Variants in DNAH6 observed in about 807,000 individuals in gnomAD.
DNAH6 encodes the protein dynein axonemal heavy chain 6, also known as axonemal beta dynein heavy chain 6.
Under a neutral mutation model 491.4 loss-of-function variants are expected in DNAH6, and 340 were observed. The observed-to-expected ratio is 0.69, with a 90% confidence interval of 0.63 to 0.76. The LOEUF (loss-of-function observed/expected upper bound fraction) is 0.76, where lower values mean the gene tolerates loss of function less well. Ranked by LOEUF, DNAH6 falls within the 30% of genes least tolerant of loss-of-function variation. The pLI is 0.00. For synonymous variants in DNAH6, 1,603 were observed against 1,686.1 expected, an observed-to-expected ratio of 0.95 and a Z score of 1.21; for missense variants, 4,443 against 4,972.2, an observed-to-expected ratio of 0.89 and a Z score of 3.20.
intron 16 of DNAH6, among the ~76,000 whole-genome samples, chr2:84,589,684 C>A (rs1314285322): frequency 7.0e-6 from 1 of 142,778 alleles, no homozygotes; most frequent in East Asian, 2.0e-4. Context: ...CGCACTGCAG[C>A]CTAGGTGACA....
intron 45 of DNAH6, among the ~76,000 whole-genome samples, chr2:84,689,214 A>C (rs551128832): frequency 6.6e-6 from 1 of 152,262 alleles, no homozygotes; most frequent in African/African-American, 2.4e-5. Flanking sequence ...TGATTAAGGT[A>C]CTCAGTGTGG....
At chr2:84,495,070 C>G in the DNAH6 span, among the ~76,000 whole-genome samples, 4 of 152,176 alleles carry the variant, frequency 2.6e-5, no homozygotes, top group South Asian at 4.1e-4. Flanking sequence ...ATCTCTCACT[C>G]TTAGAGAGTT....
At chr2:84,619,496 T>A (rs1687193288) in intron 23 of DNAH6, among the ~76,000 whole-genome samples, 189 bp from the exon 24 acceptor site, 1 of 152,148 alleles carries the variant, frequency 6.6e-6, no homozygotes, top group Admixed American at 6.5e-5. Context: ...CCTAAATGCG[T>A]CATCACTAAT....
At chr2:84,718,640 G>A (rs1454805968) in intron 59 of DNAH6, among the ~76,000 whole-genome samples, 3 of 152,134 alleles carry the variant, frequency 2.0e-5, no homozygotes, top group Non-Finnish European at 4.4e-5. Flanking sequence ...GATATAAATC[G>A]AAAGGAACAA....
At chr2:84,649,802 C>T (rs1420466692) in intron 33 of DNAH6, among the ~76,000 whole-genome samples, 1 of 152,136 alleles carries the variant, frequency 6.6e-6, no homozygotes, top group African/African-American at 2.4e-5. Context: ...GAAAACCAAA[C>T]ACCACATGTT....
rs190048716 is a variant in DNAH6 at position 84,633,050 on chromosome 2, G to A, written c.4516-1454G>A. Among the ~76,000 whole-genome samples, 78 of 152,230 alleles carry A rather than the reference G, an allele frequency of 5.1e-4. No homozygotes were observed. In the East Asian group the frequency reaches 9.5e-3, roughly 18 times the overall value. On this transcript the variant is annotated intron_variant, in intron 29 of 76. Coordinates refer to ENST00000389394, the MANE Select transcript of DNAH6 (RefSeq NM_001370.2). ...ATGAAAGAACTACCAAGAGCTCTGT[G>A]GAAGTATAGAATGTGTGGCCAGCAG... is the stretch of plus-strand genomic sequence containing the variant.
chr2:84,696,642 A>G (rs1361554342), intron 46 of DNAH6, among the ~76,000 whole-genome samples: 3 of 152,088 alleles, frequency 2.0e-5, no homozygotes, highest in Non-Finnish European at 2.9e-5. Flanking sequence ...TACCAAGTTC[A>G]TTAAGAAAAA....
intron 37 of DNAH6, among the ~76,000 whole-genome samples, chr2:84,662,508 G>A (rs532714635): frequency 6.6e-6 from 1 of 152,332 alleles, no homozygotes; most frequent in South Asian, 2.1e-4. Flanking sequence ...CTCACTGCTA[G>A]CACAGCAGTC....
At position 84,818,902 on chromosome 2, in the gene DNAH6, G is replaced by A. The variant is rs140189434; in HGVS notation, c.12374-403G>A. ...CAGCCTAGCCAACTGGTGAAACCCC[G>A]CCTCTACTAAAAATACAAAAATTAG... On this transcript the variant is annotated intron_variant, in intron 76 of 76. Coordinates refer to ENST00000389394, the MANE Select transcript of DNAH6 (RefSeq NM_001370.2). Among the ~76,000 whole-genome samples the A allele has an allele frequency of 7.2e-3, 1,094 of 152,192 alleles. 12 individuals carry two copies. Among genetic ancestry groups the A allele is most frequent in the African/African-American group, 0.024 (1,009 of 41,516 alleles).
intron 18 of DNAH6, among the ~76,000 whole-genome samples, chr2:84,601,116 T>C (rs1172990447): frequency 4.8e-5 from 7 of 144,522 alleles, no homozygotes; most frequent in Admixed American, 4.0e-4. Context: ...TCAGGAAATA[T>C]ACAAGATGAA....
chr2:84,645,426 T>A (rs1039236203), intron 33 of DNAH6, among the ~76,000 whole-genome samples: 3 of 141,772 alleles, frequency 2.1e-5, no homozygotes, highest in Admixed American at 7.0e-5. Flanking sequence ...TCTCAAAAAA[T>A]AATAATAATA....
chr2:84,708,475 A>G (rs6741200), intron 54 of DNAH6, among the ~76,000 whole-genome samples: 1,239 of 49,664 alleles, frequency 0.025, 30 homozygotes, highest in African/African-American at 0.095. Context: ...AAAGAGAGAA[A>G]GGGGGGGGGG....
intron 11 of DNAH6, among the ~76,000 whole-genome samples, chr2:84,570,352 C>G (rs943971013): frequency 6.6e-6 from 1 of 151,988 alleles, no homozygotes; most frequent in African/African-American, 2.4e-5. Context: ...ATGCACCAAT[C>G]ATTGCTCTGT....
At chr2:84,740,213 T>C (rs772044880) in intron 62 of DNAH6, among the ~76,000 whole-genome samples, 1 of 152,208 alleles carries the variant, frequency 6.6e-6, no homozygotes, top group Non-Finnish European at 1.5e-5. Flanking sequence ...TTGTTTGTTG[T>C]AGCAATGTAA....
intron 21 of DNAH6, among the ~76,000 whole-genome samples, chr2:84,607,327 G>T (rs988359059): frequency 6.6e-6 from 1 of 152,120 alleles, no homozygotes; most frequent in Non-Finnish European, 1.5e-5. Flanking sequence ...ATACTTCAAT[G>T]ATATTGTAGA....
chr2:84,511,770 T>C (rs892780265), upstream of DNAH6, among the ~76,000 whole-genome samples: 2 of 152,216 alleles, frequency 1.3e-5, no homozygotes, highest in African/African-American at 4.8e-5. Flanking sequence ...ATATATTGAG[T>C]TGATCATGCT....
At chr2:84,504,210 T>C in the DNAH6 span, among the ~76,000 whole-genome samples, 1 of 152,198 alleles carries the variant, frequency 6.6e-6, no homozygotes, top group Non-Finnish European at 1.5e-5. Context: ...CATTCTTCAG[T>C]ATGTCAGTTG....
At chr2:84,495,548 C>T in the DNAH6 span, among the ~76,000 whole-genome samples, 12 of 152,260 alleles carry the variant, frequency 7.9e-5, no homozygotes, top group East Asian at 2.3e-3. Context: ...ATTATCTAGG[C>T]TTGGCAGGGC....
At chr2:84,498,321 G>C in the DNAH6 span, among the ~76,000 whole-genome samples, 1 of 152,238 alleles carries the variant, frequency 6.6e-6, no homozygotes, top group East Asian at 1.9e-4. Context: ...CCTGTCTTTA[G>C]ACTCTCAGCC....
Sources: gnomAD v4.1 joint callset for allele counts (sites outside exome capture counted in the v4.1 genomes callset) on GRCh38, gnomAD v4.1.1 for gene constraint, MANE v1.5 for transcripts, NCBI Gene and HGNC (gene_info 2026-07-23, HGNC 2026-07-21) for gene names.